SEMA3A: variants seen among roughly 807,000 people sequenced by gnomAD.
SEMA3A encodes the protein semaphorin-3A.
A neutral mutation model predicts 97.9 loss-of-function variants in SEMA3A; 29 were observed. The observed-to-expected ratio is 0.30, with a 90% CI of 0.22 to 0.40. The LOEUF (loss-of-function observed/expected upper bound fraction) is 0.40. Ranked by LOEUF, SEMA3A falls within the 10% of genes least tolerant of loss-of-function variation. The pLI is 1.00. For missense variants in SEMA3A, 763 were observed against 951.3 expected, an observed-to-expected ratio of 0.80 and a Z score of 2.60; for synonymous variants, 321 against 323.7, an observed-to-expected ratio of 0.99 and a Z score of 0.09.
At chr7:84,326,146 G>A (rs1213469234) in intron 2 of SEMA3A, among the ~76,000 whole-genome samples, 1 of 152,066 alleles carries the variant, frequency 6.6e-6, no homozygotes, top group Non-Finnish European at 1.5e-5. Flanking sequence ...GAACCACTCT[G>A]GCAACATGGT....
chr7:84,445,456 T>G lies in SEMA3A; in HGVS notation c.-246+47004A>C, dbSNP rs1358493182. 7.1e-5 allele frequency among the ~76,000 whole-genome samples: 8 copies of G among 112,030 alleles called. No individual in the cohort carries two copies. The East Asian group carries it at 2.4e-3, about 33-fold the overall frequency. The allele number at this position is 112,030 out of a possible 152,430, so 73.5% of individuals were successfully genotyped here. On this transcript the variant is annotated intron_variant, in intron 1 of 3. Transcript: ENST00000424555. ...TTCTAGTGAACCGAGAGCATGCCAC[T>G]GTACTCCAGCCTGGGCGACAGAGTG...
At chr7:84,218,351 T>C (rs1798798410) in intron 3 of SEMA3A, among the ~76,000 whole-genome samples, 1 of 152,132 alleles carries the variant, frequency 6.6e-6, no homozygotes, top group Admixed American at 6.5e-5. Context: ...AGTACTTCAA[T>C]CTGGAAAGCT....
chr7:84,402,151 C>CAAACA lies in SEMA3A; in HGVS notation c.-245-30256_-245-30252dup, dbSNP rs566695344. Among the ~76,000 whole-genome samples the CAAACA allele has an allele frequency of 2.2e-4, 33 of 151,986 alleles. 1 individual carries two copies. The East Asian group carries it at 3.9e-3, about 18-fold the overall frequency. Reference sequence around the variant, plus strand: ...GGAAGTCAAACCATTGGGTAGCAAACAAACAAAACAAAACAAAACAAAATC... The same window carrying CAAACA: ...GGAAGTCAAACCATTGGGTAGCAAACAAACAAAACAAAACAAAACAAAACAAAATC... On this transcript the variant is annotated intron_variant, in intron 1 of 3. Transcript: ENST00000424555.
chr7:84,277,935 C>T (rs1264144592), intron 3 of SEMA3A, among the ~76,000 whole-genome samples: 1 of 152,142 alleles, frequency 6.6e-6, no homozygotes, highest in Non-Finnish European at 1.5e-5. Context: ...ATGAATTCCT[C>T]TCCCCTAAAA....
intron 3 of SEMA3A, among the ~76,000 whole-genome samples, chr7:84,204,806 CTA>C (rs1488164429): frequency 1.3e-5 from 2 of 152,170 alleles, no homozygotes; most frequent in African/African-American, 2.4e-5. Flanking sequence ...ATGACTTAGA[CTA>C]ACAAGTATGA....
At chr7:84,221,288 A>T (rs1798875469) in intron 3 of SEMA3A, among the ~76,000 whole-genome samples, 1 of 152,122 alleles carries the variant, frequency 6.6e-6, no homozygotes, top group African/African-American at 2.4e-5. Flanking sequence ...AAGAAAATGT[A>T]TCTGGTTTGA....
intron 4 of SEMA3A, among the ~76,000 whole-genome samples, chr7:84,099,438 T>C (rs1337989664): frequency 2.6e-5 from 4 of 152,146 alleles, no homozygotes; most frequent in African/African-American, 9.6e-5. Flanking sequence ...AATAGCATTT[T>C]CTTTATTTAC....
In SEMA3A at chr7:84,005,457, A is replaced by C. The variant is rs1790626826; in HGVS notation, c.1242T>G (p.Phe414Leu). 1 of 1,613,794 alleles carries C rather than the reference A, an allele frequency of 6.2e-7. No homozygotes were observed. Among genetic ancestry groups the C allele is most frequent in the Non-Finnish European group, 8.5e-7 (1 of 1,179,836 alleles). The change falls in exon 11 of 17, where the codon TTT becomes TTG. Residue 414 changes from phenylalanine to leucine, a missense_variant. Physicochemically the swap from Phe to Leu is conservative, Grantham distance 22. This residue lies in a region of SEMA3A where 678 missense variants were observed against 881.3 expected (regional missense o/e 0.77). Coordinates refer to ENST00000265362, the MANE Select transcript of SEMA3A (RefSeq NM_006080.3). Reference protein sequence around the residue: ...RSHPAMYNPVFPMNNRPIVIK... With the variant: ...RSHPAMYNPVLPMNNRPIVIK... ...TCACTATTGGGCGATTGTTCATAGG[A>C]AACACTGGATTGTACATGGCTGGAT... is the stretch of plus-strand genomic sequence containing the variant.
chr7:84,049,044 T>C (rs1429028337), intron 5 of SEMA3A, among the ~76,000 whole-genome samples: 1 of 152,116 alleles, frequency 6.6e-6, no homozygotes, highest in African/African-American at 2.4e-5. Flanking sequence ...ATTTCTCTTT[T>C]CACAAAAGGT....
intron 1 of SEMA3A, among the ~76,000 whole-genome samples, chr7:84,378,977 A>G (rs1488636147): frequency 6.6e-6 from 1 of 151,462 alleles, no homozygotes. Flanking sequence ...CCCAGGCTGG[A>G]GTGCAGTGGC....
chr7:84,143,987 AC>A (rs1796391820), intron 1 of SEMA3A, among the ~76,000 whole-genome samples: 1 of 147,318 alleles, frequency 6.8e-6, no homozygotes, highest in African/African-American at 2.6e-5. Flanking sequence ...ACACACACAC[AC>A]ACACACAATT....
intron 1 of SEMA3A, among the ~76,000 whole-genome samples, chr7:84,485,723 T>C (rs1806558507): frequency 6.6e-6 from 1 of 152,164 alleles, no homozygotes; most frequent in Non-Finnish European, 1.5e-5. Context: ...TTCTCTACTT[T>C]ACCATGCTTC....
At chr7:84,378,922 TG>T (rs1354754236) in intron 1 of SEMA3A, among the ~76,000 whole-genome samples, 2 of 151,362 alleles carry the variant, frequency 1.3e-5, no homozygotes, top group Admixed American at 6.6e-5. Flanking sequence ...TTGTTGTTGT[TG>T]TTGTTTTGTT....
intron 1 of SEMA3A, among the ~76,000 whole-genome samples, chr7:84,465,563 GA>G (rs1158601182): frequency 6.6e-6 from 1 of 151,890 alleles, no homozygotes; most frequent in African/African-American, 2.4e-5. Context: ...TCTAAATGTG[GA>G]TGATTATTTC....
intron 1 of SEMA3A, among the ~76,000 whole-genome samples, chr7:84,382,984 AT>A (rs1209397966): frequency 6.6e-6 from 1 of 152,100 alleles, no homozygotes; most frequent in Admixed American, 6.6e-5. Context: ...ATAATACTGG[AT>A]TTTTTCCCTT....
At chr7:84,420,204 C>CA (rs1804550842) in intron 1 of SEMA3A, among the ~76,000 whole-genome samples, 1 of 149,426 alleles carries the variant, frequency 6.7e-6, no homozygotes, top group African/African-American at 2.5e-5. Context: ...AAAAAAGTGA[C>CA]AGATACCATC....
intron 1 of SEMA3A, among the ~76,000 whole-genome samples, chr7:84,168,127 A>G (rs1250257259): frequency 6.6e-6 from 1 of 152,082 alleles, no homozygotes; most frequent in Admixed American, 6.6e-5. Context: ...CAAGTGAAAT[A>G]ATATTCTGGA....
At chr7:84,448,383 A>T (rs1805478868) in intron 1 of SEMA3A, among the ~76,000 whole-genome samples, 1 of 152,206 alleles carries the variant, frequency 6.6e-6, no homozygotes, top group Non-Finnish European at 1.5e-5. Flanking sequence ...TGCAGCTGAT[A>T]TATATAGGAA....
At chr7:84,368,743 T>C (rs1802908177) in intron 2 of SEMA3A, among the ~76,000 whole-genome samples, 1 of 150,938 alleles carries the variant, frequency 6.6e-6, no homozygotes, top group Non-Finnish European at 1.5e-5. Flanking sequence ...TATCTCACCT[T>C]GATTATTATA....
Sources: allele counts gnomAD v4.1 joint callset (sites outside exome capture counted in the v4.1 genomes callset), GRCh38; gene constraint gnomAD v4.1.1; regional missense constraint gnomAD v4.1.1; transcripts MANE v1.5; gene names NCBI Gene and HGNC (gene_info 2026-07-23, HGNC 2026-07-21).